The following TMEM63A variants were observed in gnomAD, a reference collection of about 807,000 sequenced individuals.
TMEM63A encodes transmembrane protein 63A, also known as mechanosensitive cation channel TMEM63A.
TMEM63A carries 76 observed loss-of-function variants against 100.6 expected under a neutral mutation model. That is an observed-to-expected ratio of 0.76 (90% CI 0.63 to 0.91). TMEM63A has a LOEUF of 0.91. Among genes scored for constraint, TMEM63A ranks in the 40% least tolerant of loss-of-function variants. TMEM63A has a pLI of 0.00. For synonymous variants in TMEM63A, 401 were observed against 401.1 expected (o/e 1.00, Z 0.00); for missense variants, 876 against 1,008.8 (o/e 0.87, Z 1.78).
At chr1:225,854,162 G>A (rs1356940062) in intron 18 of TMEM63A, among the ~76,000 whole-genome samples, 1 of 152,190 alleles carries the variant, frequency 6.6e-6, no homozygotes, top group Non-Finnish European at 1.5e-5. Flanking sequence ...GTGAAGAGGT[G>A]AAGGAGCAAG....
chr1:225,874,436 A>C, intron 3 of TMEM63A, 69 bp from the exon 4 acceptor site: 10 of 1,427,226 alleles, frequency 7.0e-6, no homozygotes, highest in Non-Finnish European at 7.8e-6. Context: ...CAGCGGTCTC[A>C]GGGGTAAAGC....
At chr1:225,844,292 A>C (rs1668713667), downstream of TMEM63A, among the ~76,000 whole-genome samples, 1 of 152,028 alleles carries the variant, frequency 6.6e-6, no homozygotes, top group Admixed American at 6.6e-5. Flanking sequence ...TGGGGTGATA[A>C]GAGACACTTC....
rs776127991 is a variant in TMEM63A at position 225,867,126 on chromosome 1, T to G, written c.552A>C (p.Ala184=). ...DPYSFGRTTI[A]NLQTDNDLLW... ...TCCATACTCACTCAGTCTGTAGGTT[T>G]GCTATTGTTGTCCTCCCAAAACTAT... Residue 184 remains alanine (A), a synonymous_variant, in exon 8 of 25, where the codon GCA becomes GCC. Coordinates refer to ENST00000366835, the MANE Select transcript of TMEM63A (RefSeq NM_014698.3). This position sits in a 1 kb window ranked among gnomAD's most constrained non-coding sequence, Gnocchi z 4.6. The G allele has an allele frequency of 1.2e-6, 2 of 1,614,176 alleles. No homozygotes were observed. Among genetic ancestry groups the G allele is most frequent in the Non-Finnish European group, 1.7e-6 (2 of 1,180,034 alleles).
At position 225,853,792 on chromosome 1, in the gene TMEM63A, C is replaced by T. The variant is rs989767394; in HGVS notation, c.1635-1G>A. On this transcript the variant is annotated splice_acceptor_variant, in intron 18 of 24. Coordinates refer to ENST00000366835, the MANE Select transcript of TMEM63A (RefSeq NM_014698.3). LOFTEE classifies it high-confidence loss of function. The surrounding 1 kb of genome is among the most constrained non-coding windows in gnomAD (Gnocchi z 4.0). ...ACCCTGGTCAGGCAGGAAGACGCAC[C>T]TGGGGAAACCAGGGCCCAGGTCTGT... 1 of 1,595,558 alleles carries T rather than the reference C, an allele frequency of 6.3e-7. No homozygotes were observed. Among genetic ancestry groups the T allele is most frequent in the Non-Finnish European group, 8.5e-7 (1 of 1,170,508 alleles).
chr1:225,874,883 C>T (rs191678990), intron 3 of TMEM63A, among the ~76,000 whole-genome samples: 107 of 152,242 alleles, frequency 7.0e-4, no homozygotes, highest in Middle Eastern at 6.8e-3. Flanking sequence ...TACAGGTGCC[C>T]GCCACCACAC....
At position 225,868,584 on chromosome 1, in the gene TMEM63A, G is replaced by A. The variant is rs961952127; in HGVS notation, c.372-554C>T. On this transcript the variant is annotated intron_variant, in intron 6 of 24. Transcript: ENST00000366835. ...GCCTATAATCCCAGCAACTCAGGAG[G>A]CTGAGGCAGGAGAATTGCTTGAACC... Among the ~76,000 whole-genome samples the A allele has an allele frequency of 2.6e-5, 4 of 152,004 alleles. No homozygotes were observed. In the South Asian group the frequency reaches 8.3e-4, roughly 32 times the overall value.
At chr1:225,845,020 T>C, downstream of TMEM63A, 2 of 1,077,582 alleles carry the variant, frequency 1.9e-6, no homozygotes, top group Non-Finnish European at 2.8e-6. Context: ...GGATTTGTCC[T>C]TTTCTTTATG....
chr1:225,846,704 C>T lies in TMEM63A; in HGVS notation c.*235G>A, dbSNP rs548162455. The T allele has an allele frequency of 3.6e-5, 9 of 249,906 alleles. No homozygotes were observed. Among genetic ancestry groups the T allele is most frequent in the East Asian group, 3.3e-4 (4 of 12,154 alleles). 15.5% of individuals were successfully genotyped at this position (249,906 alleles called of 1,614,324 possible). ...CGAAAAGTCCACCACATGGTCTTGG[C>T]GACAAACCACTGGGGATGTCACCCC... On this transcript the variant is annotated 3_prime_UTR_variant, in exon 25 of 25. Transcript: ENST00000366835.
chr1:225,843,211 A>G (rs1162470744), downstream of TMEM63A, among the ~76,000 whole-genome samples: 1 of 112,040 alleles, frequency 8.9e-6, no homozygotes, highest in African/African-American at 4.1e-5. Flanking sequence ...TGGAAGGAGG[A>G]TTCTTTGTCT....
downstream of TMEM63A, chr1:225,842,563 C>A: frequency 2.1e-6 from 2 of 939,820 alleles, no homozygotes; most frequent in Non-Finnish European, 3.5e-6. Context: ...GGTTGCTCTG[C>A]ATGGGGCACT....
chr1:225,854,082 G>A (rs974652637), intron 18 of TMEM63A, among the ~76,000 whole-genome samples: 1 of 152,190 alleles, frequency 6.6e-6, no homozygotes, highest in Non-Finnish European at 1.5e-5. Flanking sequence ...GGAAAACAAA[G>A]CAGGGAGGGT....
At chr1:225,847,682 C>A (rs1342979020) in intron 23 of TMEM63A, among the ~76,000 whole-genome samples, 2 of 152,208 alleles carry the variant, frequency 1.3e-5, no homozygotes, top group Non-Finnish European at 2.9e-5. Flanking sequence ...CCTCCTGAGA[C>A]CCTGGCTGTG....
rs759086024 is a variant in TMEM63A at position 225,862,384 on chromosome 1, G to A, written c.952-33C>T. On this transcript the variant is annotated intron_variant, in intron 12 of 24. Transcript: ENST00000366835. The surrounding 1 kb of genome is among the most constrained non-coding windows in gnomAD (Gnocchi z 5.1). ...AAGACACATCCCATTGGGATGACGT[G>A]GCCCCATGCTGGTATCTGGGGCACC... The A allele has an allele frequency of 6.2e-7, 1 of 1,614,014 alleles. No homozygotes were observed. The highest frequency in any genetic ancestry group is 2.2e-5 in the East Asian group (1 of 44,874).
intron 23 of TMEM63A, among the ~76,000 whole-genome samples, chr1:225,847,975 C>T (rs1017959282): frequency 2.0e-5 from 3 of 152,162 alleles, no homozygotes; most frequent in African/African-American, 7.2e-5. Context: ...AGGAGCAGGA[C>T]CCTGGAGGCT....
chr1:225,865,931 C>A lies in TMEM63A; in HGVS notation c.712G>T (p.Asp238Tyr). 1 of 1,614,058 alleles carries A rather than the reference C, an allele frequency of 6.2e-7. No homozygotes were observed. The highest frequency in any genetic ancestry group is 1.1e-5 in the South Asian group (1 of 91,076). Reference sequence around the variant, plus strand: ...CTCTCCACAGTCTCCTTCCTGGCATCTCTGGGGAGTCCTGTGATGAACAGG... The same window carrying A: ...CTCTCCACAGTCTCCTTCCTGGCATATCTGGGGAGTCCTGTGATGAACAGG... ...RTLFITGLPRDARKETVESHF... is the reference protein window; with the variant it reads ...RTLFITGLPRYARKETVESHF... Residue 238 changes from aspartate (D) to tyrosine (Y), a missense_variant, in exon 10 of 25, where the codon GAT becomes TAT. Physicochemically the swap from Asp to Tyr is radical, Grantham distance 160. Coordinates refer to ENST00000366835, the MANE Select transcript of TMEM63A (RefSeq NM_014698.3). The surrounding 1 kb of genome is among the most constrained non-coding windows in gnomAD (Gnocchi z 4.6).
In TMEM63A at chr1:225,847,437, A is replaced by C. The variant is rs552390722; in HGVS notation, c.2251-224T>G. On this transcript the variant is annotated intron_variant, in intron 23 of 24. Transcript: ENST00000366835. ...GCACAGTTATACAGTTCTCATGATC[A>C]CAGAAGGAAGCACAAGAGAGCAGTT... 40 of 507,142 alleles carry C rather than the reference A, an allele frequency of 7.9e-5. No individual in the cohort carries two copies. The East Asian group carries it at 1.0e-3, about 13-fold the overall frequency. 31.4% of individuals were successfully genotyped at this position (507,142 alleles called of 1,614,324 possible).
chr1:225,842,443 T>C (rs775431839), downstream of TMEM63A: 12 of 1,613,902 alleles, frequency 7.4e-6, no homozygotes, highest in Middle Eastern at 1.6e-4. Flanking sequence ...CAATACGGAA[T>C]TCCGATACCT....
At position 225,849,001 on chromosome 1, in the gene TMEM63A, G is replaced by C. The variant is rs756452406; in HGVS notation, c.2083C>G (p.Pro695Ala). Reference protein sequence around the residue: ...FSFLRLGMKAPATLFTFLVLL... With the variant: ...FSFLRLGMKAAATLFTFLVLL... ...ACCAGGAAGGTGAACAGAGTGGCGG[G>C]GGCCTTCATACCTGGTGATAGAGGG... Residue 695 changes from proline to alanine, a missense_variant, in exon 22 of 25, where the codon CCC (proline) becomes GCC (alanine). By Grantham distance (27) the Pro-to-Ala change is conservative. Coordinates refer to ENST00000366835, the MANE Select transcript of TMEM63A (RefSeq NM_014698.3). 1.3e-6 allele frequency: 2 copies of C among 1,585,118 alleles called. No individual in the cohort carries two copies. Among genetic ancestry groups the C allele is most frequent in the Middle Eastern group, 1.7e-4 (1 of 5,966 alleles).
In TMEM63A at chr1:225,856,700, A is replaced by C. The variant is rs527273477; in HGVS notation, c.1523T>G (p.Ile508Arg). The C allele has an allele frequency of 3.5e-5, 57 of 1,613,890 alleles. No homozygotes were observed. Among genetic ancestry groups the C allele is most frequent in the Non-Finnish European group, 4.7e-5 (55 of 1,179,962 alleles). ...ENQIMMTKVY[I>R]FLIFMVLILP... ...GATCAGCACCATGAAGATCAAGAATATGTAGACTTTGGTCATCATGATCTG... is the reference window on the plus strand; with the variant it reads ...GATCAGCACCATGAAGATCAAGAATCTGTAGACTTTGGTCATCATGATCTG... Residue 508 changes from isoleucine (I) to arginine (R), a missense_variant, in exon 17 of 25, where the codon ATA (isoleucine) becomes AGA (arginine). Physicochemically the swap from Ile to Arg is moderately conservative, Grantham distance 97 (BLOSUM62 -3). Coordinates refer to ENST00000366835, the MANE Select transcript of TMEM63A (RefSeq NM_014698.3).
Sources: gnomAD v4.1 joint callset for allele counts (sites outside exome capture counted in the v4.1 genomes callset) on GRCh38, gnomAD v4.1.1 for gene constraint, Gnocchi (gnomAD v3.1) non-coding constraint, MANE v1.5 for transcripts, NCBI Gene and HGNC (gene_info 2026-07-23, HGNC 2026-07-21) for gene names.